Variants in SRGAP3 observed in about 807,000 individuals in gnomAD.
SRGAP3 encodes SLIT-ROBO Rho GTPase-activating protein 3.
A neutral mutation model predicts 121.1 loss-of-function variants in SRGAP3; 39 were observed. That is an observed-to-expected ratio of 0.32 (90% CI 0.25 to 0.42). The LOEUF is 0.42. Ranked by LOEUF, SRGAP3 falls within the 10% of genes least tolerant of loss-of-function variation. The pLI, the probability that SRGAP3 is intolerant of heterozygous loss-of-function variation, is 1.00. For missense variants in SRGAP3, 1,213 were observed against 1,470.6 expected, an observed-to-expected ratio of 0.82 and a Z score of 2.86; for synonymous variants, 601 against 570.0, an observed-to-expected ratio of 1.05 and a Z score of -0.77.
chr3:8,990,444 C>T, intron 21 of SRGAP3, 68 bp downstream of exon 21: 2 of 1,539,228 alleles, frequency 1.3e-6, no homozygotes, highest in Non-Finnish European at 1.8e-6. Flanking sequence ...GCTCCCCGCT[C>T]CACGGATTCC....
intron 17 of SRGAP3, among the ~76,000 whole-genome samples, chr3:9,012,592 C>T (rs914016879): frequency 1.3e-5 from 2 of 152,042 alleles, no homozygotes; most frequent in African/African-American, 4.8e-5. Context: ...GTGTTGGACA[C>T]GCAAAGAAAC....
At chr3:9,056,433 G>A (rs1945826069) in intron 7 of SRGAP3, 99 bp from the exon 8 acceptor site, 2 of 1,279,438 alleles carry the variant, frequency 1.6e-6, no homozygotes, top group African/African-American at 1.5e-5. Flanking sequence ...TCACAGTCCA[G>A]GAAACAGGGG....
chr3:9,017,752 T>C (rs1001356970), intron 14 of SRGAP3, among the ~76,000 whole-genome samples: 2 of 152,220 alleles, frequency 1.3e-5, no homozygotes, highest in African/African-American at 4.8e-5. Flanking sequence ...ATTTTAAATA[T>C]TTATGGTGTA....
At chr3:9,203,483 A>T (rs924275757) in intron 1 of SRGAP3, among the ~76,000 whole-genome samples, 2 of 152,214 alleles carry the variant, frequency 1.3e-5, no homozygotes, top group Non-Finnish European at 2.9e-5. Context: ...GTTTGTTTCC[A>T]TCCCTCAGAC....
chr3:9,089,572 A>G (rs1202709565), intron 3 of SRGAP3, among the ~76,000 whole-genome samples: 4 of 152,178 alleles, frequency 2.6e-5, no homozygotes, highest in Non-Finnish European at 4.4e-5. Context: ...TGTCCAATGC[A>G]CTTTCTTATC....
intron 3 of SRGAP3, among the ~76,000 whole-genome samples, chr3:9,082,288 C>T (rs144253983): frequency 2.8e-4 from 42 of 152,334 alleles, no homozygotes; most frequent in South Asian, 8.3e-4. Context: ...AATTAAACCT[C>T]TTTTCTTTAC....
chr3:9,106,157 A>G (rs1948413069), intron 2 of SRGAP3, among the ~76,000 whole-genome samples: 1 of 152,260 alleles, frequency 6.6e-6, no homozygotes, highest in Admixed American at 6.5e-5. Context: ...GAGCCTCAGG[A>G]AAGGGTGGAT....
chr3:9,189,552 T>C (rs1444244418), intron 1 of SRGAP3, among the ~76,000 whole-genome samples: 4 of 151,990 alleles, frequency 2.6e-5, no homozygotes, highest in African/African-American at 7.3e-5. Flanking sequence ...AACTGTATCA[T>C]CTCCCATGCA....
intron 15 of SRGAP3, chr3:9,014,771 T>C (rs916261362): frequency 6.6e-6 from 1 of 152,206 alleles, no homozygotes; most frequent in Non-Finnish European, 1.5e-5. Context: ...TGGGACACTT[T>C]CCTGGCTGCA....
intron 1 of SRGAP3, among the ~76,000 whole-genome samples, chr3:9,334,492 A>T (rs901101643): frequency 2.0e-5 from 3 of 152,232 alleles, no homozygotes; most frequent in Non-Finnish European, 2.9e-5. Context: ...GAGGGAGGGA[A>T]AGAAGGAAAG....
In SRGAP3 at chr3:9,047,733, C is replaced by T. The variant is rs1200840493; in HGVS notation, c.1324-258G>A. Among the ~76,000 whole-genome samples, 3 of 152,318 alleles carry T rather than the reference C, an allele frequency of 2.0e-5. No homozygotes were observed. In the East Asian group the frequency reaches 5.8e-4, roughly 29 times the overall value. ...TCGGGGGTTAGGAACACAAAGCAAA[C>T]CAGGGGAGAATGGCAGCAGTGAAAG... On this transcript the variant is annotated intron_variant, in intron 9 of 21. Transcript: ENST00000383836.
chr3:9,298,163 A>G (rs1954983723), intron 3 of SRGAP3, among the ~76,000 whole-genome samples: 1 of 152,228 alleles, frequency 6.6e-6, no homozygotes, highest in Non-Finnish European at 1.5e-5. Context: ...CAGTTTTCTG[A>G]AAGATAAAAT....
chr3:9,332,145 G>A (rs964527073), intron 1 of SRGAP3, among the ~76,000 whole-genome samples: 1 of 151,926 alleles, frequency 6.6e-6, no homozygotes, highest in Non-Finnish European at 1.5e-5. Context: ...TTTTGAGATG[G>A]AGTCTCACTC....
chr3:9,360,349 T>C (rs1279466557), intron 1 of SRGAP3, among the ~76,000 whole-genome samples: 2 of 152,188 alleles, frequency 1.3e-5, no homozygotes, highest in Admixed American at 6.5e-5. Flanking sequence ...CAGAAAATAG[T>C]GTAAGTTAAA....
intron 1 of SRGAP3, among the ~76,000 whole-genome samples, chr3:9,176,801 C>T (rs1951195420): frequency 6.6e-6 from 1 of 152,168 alleles, no homozygotes; most frequent in Admixed American, 6.5e-5. Context: ...AGGAGATGGG[C>T]TAAGCCATTC....
At chr3:9,259,449 G>A (rs562613648) in intron 3 of SRGAP3, among the ~76,000 whole-genome samples, 2 of 152,216 alleles carry the variant, frequency 1.3e-5, no homozygotes, top group East Asian at 3.9e-4. Context: ...GGTGTGACCT[G>A]AAACACCAGG....
chr3:9,068,464 T>A (rs1946530892), intron 4 of SRGAP3, among the ~76,000 whole-genome samples: 1 of 152,134 alleles, frequency 6.6e-6, no homozygotes, highest in Non-Finnish European at 1.5e-5. Context: ...AAAAATCCCA[T>A]GCTTGGAGAA....
intron 2 of SRGAP3, among the ~76,000 whole-genome samples, chr3:9,124,174 CAT>C (rs1361877045): frequency 1.3e-5 from 2 of 152,140 alleles, no homozygotes; most frequent in African/African-American, 4.8e-5. Context: ...AATCAGGACA[CAT>C]GACAGTTTGT....
At chr3:9,266,628 G>A (rs895732454) in intron 3 of SRGAP3, among the ~76,000 whole-genome samples, 8 of 151,278 alleles carry the variant, frequency 5.3e-5, no homozygotes, top group Non-Finnish European at 1.0e-4. Context: ...CCTTCCATCC[G>A]GTTTTTTTGT....
Sources: allele counts gnomAD v4.1 joint callset (sites outside exome capture counted in the v4.1 genomes callset), GRCh38; gene constraint gnomAD v4.1.1; transcripts MANE v1.5; gene names NCBI Gene and HGNC (gene_info 2026-07-23, HGNC 2026-07-21).